CRAMP1: variants seen among roughly 807,000 people sequenced by gnomAD.
CRAMP1 encodes cramped chromatin regulator 1, also known as protein cramped-like.
Under a neutral mutation model 115.4 loss-of-function variants are expected in CRAMP1, and 50 were observed. That is an observed-to-expected ratio of 0.43 (90% confidence interval 0.35 to 0.55). CRAMP1 has a LOEUF of 0.55. CRAMP1 is among the 20% of genes least tolerant of loss of function. The pLI is 0.01. For synonymous variants in CRAMP1, 866 were observed against 745.4 expected (o/e 1.16, Z -2.64); for missense variants, 1,679 against 1,721.7 (o/e 0.98, Z 0.44).
intron 2 of CRAMP1, among the ~76,000 whole-genome samples, chr16:1,619,583 G>A (rs1471506659): frequency 1.3e-5 from 2 of 152,192 alleles, no homozygotes; most frequent in Non-Finnish European, 2.9e-5. Context: ...ATACCTACAG[G>A]ATACAATTAG....
chr16:1,622,402 A>G (rs1414017688), intron 2 of CRAMP1, among the ~76,000 whole-genome samples: 1 of 152,050 alleles, frequency 6.6e-6, no homozygotes, highest in African/African-American at 2.4e-5. Flanking sequence ...AATCCCAGCT[A>G]CTCGAGAGGC....
chr16:1,668,021 C>T lies in CRAMP1; in HGVS notation c.3162C>T (p.Ser1054=), dbSNP rs1431390755. Residue 1054 remains serine (S), a synonymous_variant, in exon 18 of 21, where the codon TCC becomes TCT. Coordinates refer to ENST00000397412, the MANE Select transcript of CRAMP1 (RefSeq NM_020825.4). ...LPKAPLQNGL[S]IPLSSSESSS... is the part of the protein sequence containing the mutation. ...AGGCCCCTCTCCAGAATGGCCTCTC[C>T]ATACCGCTGTCCTCGTCAGAGAGCT... 4.4e-5 allele frequency: 71 copies of T among 1,613,902 alleles called. No individual in the cohort carries two copies. The highest frequency in any genetic ancestry group is 5.8e-5 in the Non-Finnish European group (69 of 1,179,848).
At chr16:1,665,017 G>T in intron 13 of CRAMP1, 40 bp from the exon 14 acceptor site, 1 of 1,355,472 alleles carries the variant, frequency 7.4e-7, no homozygotes, top group Non-Finnish European at 1.1e-6. Flanking sequence ...TTTTGGTATG[G>T]GAGTTTCATC....
chr16:1,637,391 TG>T (rs1323648109), intron 4 of CRAMP1, among the ~76,000 whole-genome samples: 1 of 151,820 alleles, frequency 6.6e-6, no homozygotes, highest in Non-Finnish European at 1.5e-5. Context: ...TCCTCCCGCC[TG>T]GGCCCGGGCT....
chr16:1,652,199 G>A (rs2036730599), intron 6 of CRAMP1, among the ~76,000 whole-genome samples: 1 of 152,244 alleles, frequency 6.6e-6, no homozygotes, highest in African/African-American at 2.4e-5. Flanking sequence ...CTTTTCCAGG[G>A]ATGGGACATC....
intron 2 of CRAMP1, among the ~76,000 whole-genome samples, chr16:1,618,390 G>A (rs957390693): frequency 2.6e-5 from 4 of 152,218 alleles, no homozygotes; most frequent in Non-Finnish European, 4.4e-5. Flanking sequence ...CAAGATTACA[G>A]GACTGCAGGA....
At chr16:1,621,570 G>T (rs2036466230) in intron 2 of CRAMP1, among the ~76,000 whole-genome samples, 2 of 152,168 alleles carry the variant, frequency 1.3e-5, no homozygotes, top group Admixed American at 1.3e-4. Flanking sequence ...AGCAGCCTGG[G>T]GTGTGCTGTC....
chr16:1,653,276 TCA>T, intron 8 of CRAMP1, 120 bp downstream of exon 8: 1 of 1,210,182 alleles, frequency 8.3e-7, no homozygotes, highest in Non-Finnish European at 1.1e-6. Context: ...TGCTCTGTCA[TCA>T]CACGAGGACG....
chr16:1,631,151 T>C (rs1027037205), intron 3 of CRAMP1, among the ~76,000 whole-genome samples: 1 of 152,242 alleles, frequency 6.6e-6, no homozygotes, highest in Non-Finnish European at 1.5e-5. Context: ...ATTCTTTCTG[T>C]GTTTGCTGAT....
At chr16:1,644,727 C>T (rs957149990) in intron 6 of CRAMP1, among the ~76,000 whole-genome samples, 2 of 152,124 alleles carry the variant, frequency 1.3e-5, no homozygotes, top group African/African-American at 4.8e-5. Context: ...GAGGGCTGGG[C>T]CAGGCCCAGC....
Position 1,653,262 on chromosome 16 carries a change from C to A in CRAMP1, c.1037+106C>A. On this transcript the variant is annotated intron_variant, in intron 8 of 20. Coordinates refer to ENST00000397412, the MANE Select transcript of CRAMP1 (RefSeq NM_020825.4). The stretch of plus-strand genomic sequence containing the variant: ...AACTTCCAGGAGAAGCAGGTCCACC[C>A]CTATGCTCTGTCATCACACGAGGAC... The A allele has an allele frequency of 5.3e-6, 7 of 1,324,828 alleles. 1 individual carries two copies. In the South Asian group the frequency reaches 9.6e-5, roughly 18 times the overall value. 82.1% of individuals were successfully genotyped at this position (1,324,828 alleles called of 1,614,324 possible).
At chr16:1,660,806 A>G (rs1044621540) in intron 11 of CRAMP1, among the ~76,000 whole-genome samples, 2 of 152,314 alleles carry the variant, frequency 1.3e-5, no homozygotes, top group East Asian at 3.9e-4. Flanking sequence ...CAGGAGTTCC[A>G]TACCAGCCTG....
intron 6 of CRAMP1, among the ~76,000 whole-genome samples, chr16:1,650,876 G>A (rs974311604): frequency 2.0e-5 from 3 of 152,240 alleles, no homozygotes; most frequent in Admixed American, 6.5e-5. Flanking sequence ...GCCCATTGTC[G>A]TTCACCAGCC....
intron 13 of CRAMP1, 147 bp downstream of exon 13, chr16:1,662,982 A>G (rs909004787): frequency 3.2e-6 from 2 of 616,582 alleles, no homozygotes; most frequent in African/African-American, 1.8e-5. Flanking sequence ...TAAAAATACA[A>G]GTAATAACAG....
At chr16:1,652,169 A>T (rs2036730425) in intron 6 of CRAMP1, among the ~76,000 whole-genome samples, 1 of 152,186 alleles carries the variant, frequency 6.6e-6, no homozygotes. Flanking sequence ...TGGCCATCTG[A>T]GGGGACCCCA....
At position 1,660,055 on chromosome 16, in the gene CRAMP1, G is replaced by A; in HGVS notation, c.2405G>A (p.Cys802Tyr). The A allele has an allele frequency of 1.3e-6, 2 of 1,576,326 alleles. No homozygotes were observed. Among genetic ancestry groups the A allele is most frequent in the South Asian group, 1.1e-5 (1 of 87,896 alleles). The change falls in exon 11 of 21, where the codon TGC (cysteine) becomes TAC (tyrosine). Residue 802 changes from cysteine to tyrosine, a missense_variant. Cys to Tyr is a radical substitution (Grantham distance 194). Around this residue, in one of 8 missense-constraint regions of CRAMP1, gnomAD observed 709 missense variants for 741.9 expected, o/e 0.96. Transcript: ENST00000397412. ...SKTFPPSSAP[C>Y]SSGLRNPPRP... is the part of the protein sequence containing the mutation. ...ACCTTCCCGCCCAGCTCTGCACCCT[G>A]CTCCTCAGGTGAGGCTGTGGCAGCC...
intron 3 of CRAMP1, among the ~76,000 whole-genome samples, chr16:1,631,977 C>G (rs1350821679): frequency 6.6e-6 from 1 of 152,176 alleles, no homozygotes; most frequent in African/African-American, 2.4e-5. Context: ...TCTTTGGTAT[C>G]CATGTGCTCT....
rs2036397622 is a variant in CRAMP1 at position 1,614,385 on chromosome 16, G to A, written c.-1-254G>A. 6.9e-6 allele frequency among the ~76,000 whole-genome samples: 1 copy of A among 144,034 alleles called. No individual in the cohort carries two copies. The highest frequency in any genetic ancestry group is 2.5e-5 in the African/African-American group (1 of 40,168). 94.5% of individuals were successfully genotyped at this position (144,034 alleles called of 152,430 possible). On this transcript the variant is annotated intron_variant, in intron 1 of 20. Coordinates refer to ENST00000397412, the MANE Select transcript of CRAMP1 (RefSeq NM_020825.4). This position sits in a 1 kb window ranked among gnomAD's most constrained non-coding sequence, Gnocchi z 4.4. ...GCGCCCTCCCGCCGCCGGCCCGGGC[G>A]TCTGGACGCGAGCCTCGGCCAGGGG...
chr16:1,625,846 G>C, intron 2 of CRAMP1, 127 bp from the exon 3 acceptor site: 1 of 919,282 alleles, frequency 1.1e-6, no homozygotes, highest in Non-Finnish European at 1.6e-6. Flanking sequence ...CTGCCTGCCA[G>C]CATCCTCGGT....
Sources: allele counts gnomAD v4.1 joint callset (sites outside exome capture counted in the v4.1 genomes callset), GRCh38; gene constraint gnomAD v4.1.1; regional missense constraint gnomAD v4.1.1; non-coding constraint Gnocchi (gnomAD v3.1); transcripts MANE v1.5; gene names NCBI Gene and HGNC (gene_info 2026-07-23, HGNC 2026-07-21).